The following ACTG2 variants were observed in gnomAD, a reference collection of about 807,000 sequenced individuals.
The protein encoded by ACTG2 is actin, gamma-enteric smooth muscle.
A neutral mutation model predicts 37.6 loss-of-function variants in ACTG2; 16 were observed. That is an observed-to-expected ratio of 0.43 (90% CI 0.29 to 0.65). The LOEUF is 0.65. ACTG2 is among the 30% of genes least tolerant of loss of function. The probability of loss-of-function intolerance (pLI) is 0.18; values close to 1 mark genes in which losing one functional copy is unlikely to be tolerated. For synonymous variants in ACTG2, 181 were observed against 179.9 expected, an observed-to-expected ratio of 1.01 and a Z score of -0.05; for missense variants, 238 against 490.9, an observed-to-expected ratio of 0.48 and a Z score of 4.87.
At chr2:73,901,608 G>T in intron 2 of ACTG2, 171 bp downstream of exon 2, 1 of 1,113,438 alleles carries the variant, frequency 9.0e-7, no homozygotes, top group Non-Finnish European at 1.3e-6. Context: ...GTGTGTGTCT[G>T]TGCATGCACA....
chr2:73,911,057 T>G (rs1680123876), intron 5 of ACTG2, among the ~76,000 whole-genome samples: 1 of 152,172 alleles, frequency 6.6e-6, no homozygotes, highest in African/African-American at 2.4e-5. Flanking sequence ...TCTTCAGGGT[T>G]AATAACATGC....
rs199782884 is a variant in ACTG2 at position 73,904,777 on chromosome 2, G to GTATA, written c.255+2324_255+2327dup. On this transcript the variant is annotated intron_variant, in intron 3 of 8. Transcript: ENST00000345517. ...TGTGTGTGTGTGTGTGTGTGTGTGT[G>GTATA]TATATATATATATATATATATATAT... is the stretch of plus-strand genomic sequence containing the variant. Among the ~76,000 whole-genome samples, 209 of 42,590 alleles carry GTATA rather than the reference G, an allele frequency of 4.9e-3. 3 individuals carry two copies. The highest frequency in any genetic ancestry group is 0.019 in the East Asian group (22 of 1,154). 27.9% of individuals were successfully genotyped at this position (42,590 alleles called of 152,430 possible).
chr2:73,902,223 C>A, intron 2 of ACTG2, 137 bp from the exon 3 acceptor site: 1 of 997,984 alleles, frequency 1.0e-6, no homozygotes. Flanking sequence ...TCCATCCTGT[C>A]TCCTGCTATC....
Position 73,916,456 on chromosome 2 carries a change from C to A in ACTG2, c.806-128C>A. 3 of 765,500 alleles carry A rather than the reference C, an allele frequency of 3.9e-6. No individual in the cohort carries two copies. In the South Asian group the frequency reaches 5.6e-5, roughly 14 times the overall value. 47.4% of individuals were successfully genotyped at this position (765,500 alleles called of 1,614,324 possible). A position where few individuals can be genotyped will look rare whatever the true frequency, so the allele number is the denominator to read the frequency against. On this transcript the variant is annotated intron_variant, in intron 7 of 8. Coordinates refer to ENST00000345517, the MANE Select transcript of ACTG2 (RefSeq NM_001615.4). ...AAGGAAGGGGGTATGATCTTATAAT[C>A]CTTCTGGGAGATATTAAGGTTCTGA...
chr2:73,898,733 G>C (rs551412324), intron 1 of ACTG2, among the ~76,000 whole-genome samples: 11 of 151,580 alleles, frequency 7.3e-5, no homozygotes, highest in Admixed American at 5.2e-4. Context: ...ACTGCTGATG[G>C]TCAACAAGAC....
At chr2:73,896,629 TG>T in intron 1 of ACTG2, 1 of 152,322 alleles carries the variant, frequency 6.6e-6, no homozygotes, top group Non-Finnish European at 1.5e-5. Flanking sequence ...TTTGAGGTGC[TG>T]GGGAGGGTGG....
chr2:73,906,795 A>G (rs1680027324), intron 3 of ACTG2, among the ~76,000 whole-genome samples: 1 of 152,174 alleles, frequency 6.6e-6, no homozygotes, highest in Non-Finnish European at 1.5e-5. Flanking sequence ...TATTTTTCTA[A>G]CTTTAAAAAT....
At chr2:73,895,147 T>A (rs1192387921) in intron 1 of ACTG2, among the ~76,000 whole-genome samples, 1 of 151,762 alleles carries the variant, frequency 6.6e-6, no homozygotes, top group Non-Finnish European at 1.5e-5. Flanking sequence ...GGGCAGAGGC[T>A]GCTGATGAGG....
chr2:73,901,104 T>G (rs1372280300), intron 1 of ACTG2, among the ~76,000 whole-genome samples, 172 bp from the exon 2 acceptor site: 1 of 152,144 alleles, frequency 6.6e-6, no homozygotes, highest in Non-Finnish European at 1.5e-5. Flanking sequence ...AATTCACATT[T>G]CAGGGCAGAG....
At chr2:73,894,267 G>A (rs930200397) in intron 1 of ACTG2, among the ~76,000 whole-genome samples, 2 of 152,152 alleles carry the variant, frequency 1.3e-5, no homozygotes, top group African/African-American at 4.8e-5. Context: ...ACCACACTTT[G>A]TACAGGGAGG....
chr2:73,898,879 T>C (rs1324278036), intron 1 of ACTG2, among the ~76,000 whole-genome samples: 1 of 147,792 alleles, frequency 6.8e-6, no homozygotes, highest in Non-Finnish European at 1.5e-5. Context: ...CTTGGCTCAC[T>C]GCAAGCTCCG....
At chr2:73,909,970 T>G (rs1032315587) in intron 5 of ACTG2, among the ~76,000 whole-genome samples, 3 of 152,190 alleles carry the variant, frequency 2.0e-5, no homozygotes, top group Non-Finnish European at 2.9e-5. Context: ...ATCCCAGCAC[T>G]TTGTGAGGCT....
chr2:73,908,981 T>C (rs773874955), intron 4 of ACTG2, 74 bp from the exon 5 acceptor site: 94 of 1,464,582 alleles, frequency 6.4e-5, no homozygotes, highest in Non-Finnish European at 8.8e-5. Flanking sequence ...TTAATGAGAT[T>C]ACAAACCATT....
chr2:73,897,993 G>A (rs544994295), intron 1 of ACTG2, among the ~76,000 whole-genome samples: 2 of 152,300 alleles, frequency 1.3e-5, no homozygotes, highest in African/African-American at 4.8e-5. Flanking sequence ...TCAAACCATA[G>A]CACCGCCTGT....
chr2:73,902,277 T>C (rs1301074198), intron 2 of ACTG2, 83 bp from the exon 3 acceptor site: 1 of 1,518,228 alleles, frequency 6.6e-7, no homozygotes, highest in Non-Finnish European at 9.0e-7. Flanking sequence ...TCCTTATCCT[T>C]CTTCAGAGAC....
intron 5 of ACTG2, among the ~76,000 whole-genome samples, chr2:73,909,554 A>C (rs376259154): frequency 7.1e-4 from 108 of 152,324 alleles, no homozygotes; most frequent in African/African-American, 2.5e-3. Context: ...CAGAGAGTGT[A>C]CTTGCACAAA....
chr2:73,911,548 G>A (rs892564788), intron 5 of ACTG2, among the ~76,000 whole-genome samples: 6 of 152,156 alleles, frequency 3.9e-5, no homozygotes, highest in South Asian at 2.1e-4. Context: ...TACCATAGTT[G>A]TTTATTATCA....
intron 8 of ACTG2, among the ~76,000 whole-genome samples, chr2:73,917,868 C>G (rs561745652): frequency 6.6e-6 from 1 of 152,282 alleles, no homozygotes; most frequent in South Asian, 2.1e-4. Context: ...AGGCCTGGGG[C>G]AGGGGCTTTT....
intron 1 of ACTG2, among the ~76,000 whole-genome samples, chr2:73,894,199 G>A (rs1428713720): frequency 1.3e-5 from 2 of 152,120 alleles, no homozygotes; most frequent in Admixed American, 6.5e-5. Context: ...CCGAGATATG[G>A]CCTGATACTT....
Sources: allele counts gnomAD v4.1 joint callset (sites outside exome capture counted in the v4.1 genomes callset), GRCh38; gene constraint gnomAD v4.1.1; transcripts MANE v1.5; gene names NCBI Gene and HGNC (gene_info 2026-07-23, HGNC 2026-07-21).